FAM53A: variants seen among roughly 807,000 people sequenced by gnomAD.
FAM53A encodes the protein protein FAM53A.
Under a neutral mutation model 26.6 loss-of-function variants are expected in FAM53A, and 28 were observed. The observed-to-expected ratio is 1.05, with a 90% CI of 0.78 to 1.45. The LOEUF is 1.45. Among genes scored for constraint, FAM53A ranks in the 40% most tolerant of loss-of-function variants. FAM53A has a pLI of 0.00. For synonymous variants in FAM53A, 290 were observed against 253.1 expected (o/e 1.15, Z -1.38); for missense variants, 650 against 575.8 (o/e 1.13, Z -1.32).
chr4:1,579,875 C>G, the FAM53A span, among the ~76,000 whole-genome samples: 1 of 152,184 alleles, frequency 6.6e-6, no homozygotes, highest in Non-Finnish European at 1.5e-5. Context: ...CAGGCCTCGC[C>G]GTAAACTTCC....
chr4:1,601,445 C>G, the FAM53A span, among the ~76,000 whole-genome samples: 11 of 112,278 alleles, frequency 9.8e-5, 4 homozygotes, highest in Non-Finnish European at 1.7e-4. Flanking sequence ...CCATGGGACC[C>G]GGCCCCTGTC....
At chr4:1,584,371 G>A in the FAM53A span, among the ~76,000 whole-genome samples, 1 of 152,212 alleles carries the variant, frequency 6.6e-6, no homozygotes, top group African/African-American at 2.4e-5. Flanking sequence ...GTATGAGGTA[G>A]GGATCCTGCC....
At chr4:1,590,955 CATATATATATATAT>C in the FAM53A span, among the ~76,000 whole-genome samples, 5,033 of 46,340 alleles carry the variant, frequency 0.11, 602 homozygotes, top group African/African-American at 0.27. Context: ...TTATTTAATG[CATATATATATATAT>C]ATATATATAT....
upstream of FAM53A, among the ~76,000 whole-genome samples, chr4:1,685,710 C>T (rs1217233115): frequency 1.3e-5 from 2 of 152,120 alleles, no homozygotes; most frequent in South Asian, 2.1e-4. Flanking sequence ...CTGGAGCAGG[C>T]GTCCAGGCCA....
intron 3 of FAM53A, among the ~76,000 whole-genome samples, chr4:1,656,087 G>A (rs1354393381): frequency 6.6e-6 from 1 of 152,192 alleles, no homozygotes; most frequent in Non-Finnish European, 1.5e-5. Context: ...GGCATCTCAA[G>A]GATGTGCGGC....
At chr4:1,679,646 A>G (rs2109066141) in intron 1 of FAM53A, among the ~76,000 whole-genome samples, 1 of 148,300 alleles carries the variant, frequency 6.7e-6, no homozygotes, top group East Asian at 2.0e-4. Flanking sequence ...AGATAGCACC[A>G]CTGCACTCCA....
chr4:1,647,852 G>C (rs1040549264), intron 4 of FAM53A, among the ~76,000 whole-genome samples: 1 of 152,236 alleles, frequency 6.6e-6, no homozygotes, highest in Non-Finnish European at 1.5e-5. Context: ...AATTATAAAA[G>C]TTGTAGAGGA....
At chr4:1,628,041 G>A (rs568556048) in intron 1 of FAM53A, among the ~76,000 whole-genome samples, 2 of 132,846 alleles carry the variant, frequency 1.5e-5, no homozygotes, top group African/African-American at 5.8e-5. Context: ...GTGGCACGGG[G>A]GGAGGGTGCA....
the FAM53A span, among the ~76,000 whole-genome samples, chr4:1,598,864 G>C: frequency 6.6e-6 from 1 of 152,360 alleles, no homozygotes; most frequent in African/African-American, 2.4e-5. Flanking sequence ...GCCCAGCTCC[G>C]GGGCTAATAA....
At chr4:1,676,066 G>T (rs11730471) in intron 1 of FAM53A, among the ~76,000 whole-genome samples, 1 of 152,110 alleles carries the variant, frequency 6.6e-6, no homozygotes, top group East Asian at 1.9e-4. Flanking sequence ...AATTTAATTC[G>T]ATCCACATGC....
intron 2 of FAM53A, among the ~76,000 whole-genome samples, chr4:1,664,857 A>T (rs955346863): frequency 9.2e-5 from 14 of 152,112 alleles, no homozygotes; most frequent in East Asian, 7.7e-4. Flanking sequence ...ATGTGCCTGT[A>T]ATCCCAACTA....
rs1022091487 is a variant in FAM53A at position 1,641,443 on chromosome 4, G to A, written c.1047C>T (p.His349=). 1.2e-6 allele frequency: 2 copies of A among 1,613,596 alleles called. No individual in the cohort carries two copies. Among genetic ancestry groups the A allele is most frequent in the African/African-American group, 1.3e-5 (1 of 74,918 alleles). The change falls in exon 5 of 5, where the codon CAC becomes CAT. Residue 349 remains histidine, a synonymous_variant. Transcript: ENST00000308132. ...ACTCCCTAGAGGCCCACAGGTTGGG[G>A]TGGACAGGGCTGGTCCTGAGGCCCC... ...SQRGLRTSPV[H]PNLWASRESV... is the part of the protein sequence containing the mutation.
rs748423566 is a variant in FAM53A, at chr4:1,641,569, G to A, written c.921C>T (p.Tyr307=). The part of the protein sequence containing the change: ...KNSKSLCSLN[Y]EDDDEDDTPV... ...GGGTGTCATCCTCATCGTCATCTTCGTAATTGAGGGAGCAAAGGCTTTTTG... is the reference window on the plus strand; with the variant it reads ...GGGTGTCATCCTCATCGTCATCTTCATAATTGAGGGAGCAAAGGCTTTTTG... Residue 307 remains tyrosine (Y), a synonymous_variant, in exon 5 of 5, where the codon TAC becomes TAT. Coordinates refer to ENST00000308132, the MANE Select transcript of FAM53A (RefSeq NM_001174070.3). 12 of 1,614,062 alleles carry A rather than the reference G, an allele frequency of 7.4e-6. No individual in the cohort carries two copies. In the Middle Eastern group the frequency reaches 4.9e-4, roughly 66 times the overall value.
At chr4:1,629,131 G>T (rs1258159420) in intron 1 of FAM53A, among the ~76,000 whole-genome samples, 1 of 151,994 alleles carries the variant, frequency 6.6e-6, no homozygotes, top group Non-Finnish European at 1.5e-5. Context: ...GCCCAGCCCA[G>T]CTGGGAAGAG....
At chr4:1,636,781 C>T (rs370297034), downstream of FAM53A, among the ~76,000 whole-genome samples, 15 of 152,328 alleles carry the variant, frequency 9.8e-5, no homozygotes, top group African/African-American at 3.1e-4. Context: ...GACCAGGCAT[C>T]GGGAGGCCAC....
At chr4:1,594,957 C>T in the FAM53A span, among the ~76,000 whole-genome samples, 2 of 152,242 alleles carry the variant, frequency 1.3e-5, no homozygotes, top group African/African-American at 2.4e-5. Context: ...GTTCCTTCTG[C>T]AGACTGCCGG....
the FAM53A span, among the ~76,000 whole-genome samples, chr4:1,611,007 G>A: frequency 2.0e-5 from 3 of 152,208 alleles, no homozygotes; most frequent in Non-Finnish European, 2.9e-5. Context: ...CTGGTTGCAC[G>A]GACGTGGGCT....
rs1711708296 is a variant in FAM53A at position 1,641,435 on chromosome 4, AGGTTG to A, written c.1050_1054del (p.Asn351ValfsTer4). ...GGTCACCGACTCCCTAGAGGCCCACAGGTTGGGGTGGACAGGGCTGGTCCTGAGGC... is the reference window on the plus strand; with the variant it reads ...GGTCACCGACTCCCTAGAGGCCCACAGGGTGGACAGGGCTGGTCCTGAGGC... On this transcript the variant is annotated frameshift_variant, in exon 5 of 5. Coordinates refer to ENST00000308132, the MANE Select transcript of FAM53A (RefSeq NM_001174070.3). LOFTEE classifies it low-confidence loss of function (END_TRUNC). The A allele has an allele frequency of 1.2e-6, 2 of 1,612,914 alleles. No homozygotes were observed. Among genetic ancestry groups the A allele is most frequent in the Non-Finnish European group, 1.7e-6 (2 of 1,179,574 alleles).
At chr4:1,626,902 G>A (rs946955808) in intron 1 of FAM53A, among the ~76,000 whole-genome samples, 1 of 152,170 alleles carries the variant, frequency 6.6e-6, no homozygotes, top group African/African-American at 2.4e-5. Context: ...CCTGTATGTG[G>A]GGAGGGGCCA....
Sources: gnomAD v4.1 joint callset for allele counts (sites outside exome capture counted in the v4.1 genomes callset) on GRCh38, gnomAD v4.1.1 for gene constraint, MANE v1.5 for transcripts, NCBI Gene and HGNC (gene_info 2026-07-23, HGNC 2026-07-21) for gene names.